Variants in RCBTB1 observed in about 807,000 individuals in gnomAD.
RCBTB1 encodes the protein RCC1 and BTB domain containing protein 1, also known as RCC1 and BTB domain-containing protein 1.
A neutral mutation model predicts 62.4 loss-of-function variants in RCBTB1; 46 were observed. The observed-to-expected ratio is 0.74, with a 90% CI of 0.58 to 0.94. The LOEUF is 0.94. Ranked by LOEUF, RCBTB1 falls within the 40% of genes least tolerant of loss-of-function variation. The pLI, the probability that RCBTB1 is intolerant of heterozygous loss-of-function variation, is 0.00. For missense variants in RCBTB1, 565 were observed against 654.9 expected, an observed-to-expected ratio of 0.86 and a Z score of 1.50; for synonymous variants, 222 against 245.8, an observed-to-expected ratio of 0.90 and a Z score of 0.91.
intron 2 of RCBTB1, among the ~76,000 whole-genome samples, chr13:49,579,553 G>A (rs903792857): frequency 1.3e-5 from 2 of 151,650 alleles, no homozygotes; most frequent in Non-Finnish European, 2.9e-5. Flanking sequence ...GAGCCCAGGA[G>A]GCACAGCTTG....
At chr13:49,535,432 T>C (rs146639534) in intron 12 of RCBTB1, among the ~76,000 whole-genome samples, 14 of 152,292 alleles carry the variant, frequency 9.2e-5, no homozygotes, top group African/African-American at 2.4e-4. Context: ...TTATCACAAA[T>C]AGCTTGACTT....
chr13:49,581,630 A>G (rs916662909), intron 1 of RCBTB1, among the ~76,000 whole-genome samples: 10 of 152,114 alleles, frequency 6.6e-5, no homozygotes, highest in Non-Finnish European at 1.3e-4. Context: ...GAGTACCTTA[A>G]GAAGAACTCT....
At position 49,567,267 on chromosome 13, in the gene RCBTB1, C is replaced by T. The variant is rs571105525; in HGVS notation, c.13G>A (p.Gly5Arg). ...AGTAGAGTGAAGATGGGCCACTTTC[C>T]GACATCCACCATGACTCTGGCTTCA... is the stretch of plus-strand genomic sequence containing the variant. MVDV[G>R]KWPIFTLLSP... is the part of the protein sequence containing the mutation. The change falls in exon 3 of 13, where the codon GGA becomes AGA. Residue 5 changes from glycine to arginine, a missense_variant. Physicochemically the swap from Gly to Arg is moderately radical, Grantham distance 125. Coordinates refer to ENST00000378302, the MANE Select transcript of RCBTB1 (RefSeq NM_018191.4). The T allele has an allele frequency of 9.9e-6, 16 of 1,613,886 alleles. No homozygotes were observed. In the Middle Eastern group the frequency reaches 5.0e-4, roughly 50 times the overall value.
At chr13:49,537,304 AGTTTT>A (rs1960014223) in intron 12 of RCBTB1, among the ~76,000 whole-genome samples, 1 of 152,252 alleles carries the variant, frequency 6.6e-6, no homozygotes, top group South Asian at 2.1e-4. Flanking sequence ...AAATCAAAGA[AGTTTT>A]GTTTTGTTCT....
intron 9 of RCBTB1, among the ~76,000 whole-genome samples, chr13:49,545,779 C>T (rs1351598771): frequency 2.6e-5 from 4 of 152,138 alleles, no homozygotes; most frequent in African/African-American, 9.7e-5. Context: ...TAATCAAAGA[C>T]CTCGGCTTCC....
rs185372950 is a variant in RCBTB1, at chr13:49,567,065, C to A, written c.126+89G>T. 4 of 1,238,882 alleles carry A rather than the reference C, an allele frequency of 3.2e-6. No individual in the cohort carries two copies. In the African/African-American group the frequency reaches 4.5e-5, roughly 14 times the overall value. The allele number at this position is 1,238,882 out of a possible 1,614,324, so 76.7% of individuals were successfully genotyped here. On this transcript the variant is annotated intron_variant, in intron 3 of 12. Coordinates refer to ENST00000378302, the MANE Select transcript of RCBTB1 (RefSeq NM_018191.4). ...ACTTCAGGATCTCTTTATTTATACC[C>A]CGCCTTTTCTCCATCTTTGAACTGG...
At chr13:49,568,265 A>T (rs899702088) in intron 2 of RCBTB1, among the ~76,000 whole-genome samples, 1 of 152,210 alleles carries the variant, frequency 6.6e-6, no homozygotes, top group African/African-American at 2.4e-5. Context: ...ATTCCATTAC[A>T]TCGATTTAGC....
chr13:49,571,018 T>C (rs889933823), intron 2 of RCBTB1, among the ~76,000 whole-genome samples: 8 of 152,200 alleles, frequency 5.3e-5, no homozygotes, highest in Non-Finnish European at 1.0e-4. Flanking sequence ...CTTGTAAATG[T>C]ACAGCAGCAT....
chr13:49,560,539 T>A lies in RCBTB1; in HGVS notation c.278-455A>T, dbSNP rs182863578. Among the ~76,000 whole-genome samples, 121 of 152,162 alleles carry A rather than the reference T, an allele frequency of 8.0e-4. 1 individual carries two copies. The highest frequency in any genetic ancestry group is 2.6e-3 in the African/African-American group (108 of 41,530). On this transcript the variant is annotated intron_variant, in intron 4 of 12. Coordinates refer to ENST00000378302, the MANE Select transcript of RCBTB1 (RefSeq NM_018191.4). ...GTATAGGGGAAAGAGATAGACTGTT[T>A]ACAAAGGAAACAAAAGTCTCAGGGC... is the stretch of plus-strand genomic sequence containing the variant.
chr13:49,551,113 A>G lies in RCBTB1; in HGVS notation c.854+213T>C, dbSNP rs555245011. On this transcript the variant is annotated intron_variant, in intron 8 of 12. Transcript: ENST00000378302. The stretch of plus-strand genomic sequence containing the variant: ...GACTCTGTCTCAAAAAAGGGAAGGG[A>G]AGGGAAGGGAAGGGGGGAGGGAGAA... 1.2e-3 allele frequency: 532 copies of G among 440,924 alleles called. 2 individuals are homozygous for G. Among genetic ancestry groups the G allele is most frequent in the Non-Finnish European group, 1.9e-3 (477 of 256,560 alleles). 27.3% of individuals were successfully genotyped at this position (440,924 alleles called of 1,614,324 possible).
In RCBTB1 at chr13:49,533,967, T is replaced by C. The variant is rs1346916329; in HGVS notation, c.*155A>G. On this transcript the variant is annotated 3_prime_UTR_variant, in exon 13 of 13. Transcript: ENST00000378302. The stretch of plus-strand genomic sequence containing the variant: ...GGGCTCAAGAAAAGCCGTACACCCT[T>C]GTTATGTTCCTACACAAACAACTGT... 10 of 679,736 alleles carry C rather than the reference T, an allele frequency of 1.5e-5. No homozygotes were observed. Among genetic ancestry groups the C allele is most frequent in the Admixed American group, 1.3e-4 (5 of 37,282 alleles). 42.1% of individuals were successfully genotyped at this position (679,736 alleles called of 1,614,324 possible).
chr13:49,568,653 G>C (rs983476426), intron 2 of RCBTB1, among the ~76,000 whole-genome samples: 2 of 10,596 alleles, frequency 1.9e-4, no homozygotes, highest in South Asian at 3.8e-3. Context: ...CAGGCCGGGG[G>C]AGGGGGGTGG....
In RCBTB1 at chr13:49,547,288, C is replaced by T. The variant is rs914368262; in HGVS notation, c.1045+2170G>A. 6.6e-6 allele frequency: 5 copies of T among 756,300 alleles called. No individual in the cohort carries two copies. In the Admixed American group the frequency reaches 1.5e-4, roughly 22 times the overall value. The allele number at this position is 756,300 out of a possible 1,614,324, so 46.8% of individuals were successfully genotyped here. A position where few individuals can be genotyped will look rare whatever the true frequency, so the allele number is the denominator to read the frequency against. On this transcript the variant is annotated intron_variant, in intron 9 of 12. Coordinates refer to ENST00000378302, the MANE Select transcript of RCBTB1 (RefSeq NM_018191.4). Reference sequence around the variant, plus strand: ...GCTTAACTCTTCCTAAGCACCCTTGCCTCCATGCCCATGACTGGTCACCTA... The same window carrying T: ...GCTTAACTCTTCCTAAGCACCCTTGTCTCCATGCCCATGACTGGTCACCTA...
chr13:49,536,216 G>C (rs756536896), intron 12 of RCBTB1, among the ~76,000 whole-genome samples: 6 of 152,116 alleles, frequency 3.9e-5, no homozygotes, highest in African/African-American at 1.4e-4. Context: ...AGCCAAACTA[G>C]AGAATTCTGA....
In RCBTB1 at chr13:49,560,051, T is replaced by C; in HGVS notation, c.311A>G (p.Tyr104Cys). Residue 104 changes from tyrosine to cysteine, a missense_variant, in exon 5 of 13, where the codon TAT (tyrosine) becomes TGT (cysteine). Tyr to Cys is a radical substitution (Grantham distance 194). Transcript: ENST00000378302. ...GVVYAWGHNG[Y>C]SQLGNGTTNQ... The stretch of plus-strand genomic sequence containing the variant: ...GGTCGTCCCATTCCCAAGCTGGCTA[T>C]ATCCATTGTGGCCCCAGGCATAAAC... The C allele has an allele frequency of 6.2e-7, 1 of 1,614,138 alleles. No individual in the cohort carries two copies.
At chr13:49,560,837 T>C (rs1962377138) in intron 4 of RCBTB1, among the ~76,000 whole-genome samples, 1 of 152,074 alleles carries the variant, frequency 6.6e-6, no homozygotes, top group African/African-American at 2.4e-5. Flanking sequence ...AATCAGCTTA[T>C]TCTAACAGAT....
Position 49,551,793 on chromosome 13 carries a change from G to T in RCBTB1, c.712-325C>A, listed in dbSNP as rs916789892. ...CGGCCATCTGTAGTCCCAGCTACTC[G>T]GGAGGATGAGGCAGGAGAATGGCGT... On this transcript the variant is annotated intron_variant, in intron 7 of 12. Coordinates refer to ENST00000378302, the MANE Select transcript of RCBTB1 (RefSeq NM_018191.4). Among the ~76,000 whole-genome samples, 4 of 151,806 alleles carry T rather than the reference G, an allele frequency of 2.6e-5. No homozygotes were observed. In the South Asian group the frequency reaches 8.3e-4, roughly 32 times the overall value.
chr13:49,559,581 G>A (rs376145738), intron 5 of RCBTB1, among the ~76,000 whole-genome samples: 4 of 151,660 alleles, frequency 2.6e-5, no homozygotes, highest in African/African-American at 4.9e-5. Flanking sequence ...GCGTAAACCC[G>A]GGAGGCGGAG....
At chr13:49,545,159 A>G (rs1960696146) in intron 9 of RCBTB1, among the ~76,000 whole-genome samples, 1 of 152,190 alleles carries the variant, frequency 6.6e-6, no homozygotes, top group Non-Finnish European at 1.5e-5. Flanking sequence ...GTACTTCATG[A>G]TAATATAATA....
Sources: allele counts gnomAD v4.1 joint callset (sites outside exome capture counted in the v4.1 genomes callset), GRCh38; gene constraint gnomAD v4.1.1; transcripts MANE v1.5; gene names NCBI Gene and HGNC (gene_info 2026-07-23, HGNC 2026-07-21).